LOC400499: variants seen among roughly 807,000 people sequenced by gnomAD.
chr16:11,443,628 T>C, the LOC400499 span, among the ~76,000 whole-genome samples: 1 of 152,140 alleles, frequency 6.6e-6, no homozygotes, highest in South Asian at 2.1e-4. Context: ...GATGGGGTTC[T>C]AGTAGGCATT....
chr16:11,409,129 T>C, the LOC400499 span, among the ~76,000 whole-genome samples: 72,396 of 151,346 alleles, frequency 0.48, 18,308 homozygotes, highest in Admixed American at 0.6. Flanking sequence ...GGCATGGTAG[T>C]GCATGCCTGT....
At chr16:11,413,497 A>C in the LOC400499 span, among the ~76,000 whole-genome samples, 1 of 152,130 alleles carries the variant, frequency 6.6e-6, no homozygotes, top group African/African-American at 2.4e-5. Context: ...GGGCCCAGCC[A>C]AGCAGGACGA....
chr16:11,489,052 G>C, the LOC400499 span, among the ~76,000 whole-genome samples: 1 of 152,198 alleles, frequency 6.6e-6, no homozygotes, highest in Non-Finnish European at 1.5e-5. Flanking sequence ...AGTCGTGCCT[G>C]AACAGAACTT....
At chr16:11,460,860 C>T in the LOC400499 span, 1 of 1,387,984 alleles carries the variant, frequency 7.2e-7, no homozygotes, top group East Asian at 2.5e-5. Flanking sequence ...TAATGGAAAA[C>T]CCCGTGGTGA....
the LOC400499 span, among the ~76,000 whole-genome samples, chr16:11,410,487 G>A: frequency 6.6e-6 from 1 of 152,106 alleles, no homozygotes; most frequent in Non-Finnish European, 1.5e-5. Flanking sequence ...AATAAATAAA[G>A]AAGTTCCCTG....
chr16:11,413,849 TGAG>T, the LOC400499 span, among the ~76,000 whole-genome samples: 1 of 152,086 alleles, frequency 6.6e-6, no homozygotes, highest in Non-Finnish European at 1.5e-5. Flanking sequence ...GTTTTGCAGA[TGAG>T]GAGATGAGGG....
the LOC400499 span, among the ~76,000 whole-genome samples, chr16:11,391,335 G>C: frequency 2.0e-5 from 3 of 152,232 alleles, no homozygotes; most frequent in African/African-American, 7.2e-5. Flanking sequence ...GAACCAGAAA[G>C]AGATGCTGTG....
chr16:11,483,872 C>CA, the LOC400499 span, among the ~76,000 whole-genome samples: 15 of 148,234 alleles, frequency 1.0e-4, no homozygotes, highest in African/African-American at 2.7e-4. Flanking sequence ...GAGACTGTCT[C>CA]AAAAAAAAGG....
At chr16:11,404,668 T>G in the LOC400499 span, 2 of 399,024 alleles carry the variant, frequency 5.0e-6, no homozygotes, top group Non-Finnish European at 8.8e-6. Flanking sequence ...CTTGAGTGAC[T>G]GGGCCACCCC....
chr16:11,429,840 T>C, the LOC400499 span, among the ~76,000 whole-genome samples: 1 of 151,556 alleles, frequency 6.6e-6, no homozygotes, highest in Admixed American at 6.6e-5. Context: ...ATCATAACAG[T>C]AACAGACTCA....
At chr16:11,378,522 C>T in the LOC400499 span, among the ~76,000 whole-genome samples, 1 of 152,184 alleles carries the variant, frequency 6.6e-6, no homozygotes, top group Non-Finnish European at 1.5e-5. Flanking sequence ...CCTCGGCCTC[C>T]CAAAGTGCTG....
chr16:11,502,745 G>C, the LOC400499 span, among the ~76,000 whole-genome samples: 2 of 151,466 alleles, frequency 1.3e-5, no homozygotes, highest in Admixed American at 6.6e-5. Context: ...CTCCTGAGTA[G>C]CTGGGATTAC....
At chr16:11,462,220 G>A in the LOC400499 span, 1 of 1,534,110 alleles carries the variant, frequency 6.5e-7, no homozygotes. Context: ...CGACGGGGCT[G>A]CCCCCCGTCA....
At chr16:11,502,256 C>T in the LOC400499 span, 1 of 398,074 alleles carries the variant, frequency 2.5e-6, no homozygotes, top group Non-Finnish European at 4.4e-6. Flanking sequence ...CCGTCCCCTG[C>T]CTGTAAGCAC....
the LOC400499 span, among the ~76,000 whole-genome samples, chr16:11,468,965 AT>A: frequency 6.6e-6 from 1 of 152,196 alleles, no homozygotes; most frequent in Non-Finnish European, 1.5e-5. Context: ...ATTAATATCC[AT>A]TTTTAACATC....
At chr16:11,497,960 A>T in the LOC400499 span, among the ~76,000 whole-genome samples, 1 of 152,246 alleles carries the variant, frequency 6.6e-6, no homozygotes, top group Non-Finnish European at 1.5e-5. Context: ...ATGGAAAAAT[A>T]AAATTACCCT....
the LOC400499 span, among the ~76,000 whole-genome samples, chr16:11,526,942 T>C: frequency 3.3e-5 from 5 of 152,170 alleles, no homozygotes; most frequent in Non-Finnish European, 7.3e-5. Flanking sequence ...AGATGAGGAT[T>C]CACCTGTCAT....
At chr16:11,428,810 G>A in the LOC400499 span, among the ~76,000 whole-genome samples, 1 of 152,134 alleles carries the variant, frequency 6.6e-6, no homozygotes, top group Non-Finnish European at 1.5e-5. Context: ...GACAGATGGA[G>A]AGTGGATAGG....
At chr16:11,466,950 C>T in the LOC400499 span, among the ~76,000 whole-genome samples, 4 of 151,952 alleles carry the variant, frequency 2.6e-5, no homozygotes, top group African/African-American at 9.7e-5. Context: ...TGCACGCACA[C>T]ACACACATAT....
Sources: allele counts gnomAD v4.1 joint callset (sites outside exome capture counted in the v4.1 genomes callset), GRCh38; gene constraint gnomAD v4.1.1; transcripts MANE v1.5.